CATSPERT: variants seen among roughly 807,000 people sequenced by gnomAD.
CATSPERT encodes catsper channel auxiliary subunit tau.
chr2:201,531,919 G>A, the CATSPERT span, among the ~76,000 whole-genome samples: 1 of 152,190 alleles, frequency 6.6e-6, no homozygotes, highest in African/African-American at 2.4e-5. Context: ...TCAGAGGAGT[G>A]ACATGATTTA....
the CATSPERT span, among the ~76,000 whole-genome samples, chr2:201,613,331 T>C: frequency 0.98 from 148,521 of 152,218 alleles, 72,550 homozygotes; most frequent in East Asian, 1. Flanking sequence ...CTCATACAAC[T>C]GGGTGCCCCT....
chr2:201,610,959 G>C, the CATSPERT span, among the ~76,000 whole-genome samples: 2 of 152,036 alleles, frequency 1.3e-5, no homozygotes, highest in Non-Finnish European at 2.9e-5. Flanking sequence ...AACTGGCATA[G>C]AAGGAATGTA....
At chr2:201,535,582 G>A in the CATSPERT span, 15 of 1,032,914 alleles carry the variant, frequency 1.5e-5, 1 homozygote, top group South Asian at 2.7e-4. Context: ...TGTTATTGTC[G>A]TTACACTTTC....
At chr2:201,584,420 C>T in the CATSPERT span, among the ~76,000 whole-genome samples, 4 of 151,966 alleles carry the variant, frequency 2.6e-5, no homozygotes, top group African/African-American at 7.3e-5. Context: ...GAATACCTAA[C>T]GTAAGTTAAC....
At chr2:201,507,838 C>G in the CATSPERT span, among the ~76,000 whole-genome samples, 1 of 152,074 alleles carries the variant, frequency 6.6e-6, no homozygotes, top group African/African-American at 2.4e-5. Flanking sequence ...GAAGGGGAAG[C>G]AAGGCCTTCT....
At chr2:201,543,736 C>G in the CATSPERT span, among the ~76,000 whole-genome samples, 1 of 151,998 alleles carries the variant, frequency 6.6e-6, no homozygotes, top group East Asian at 1.9e-4. Context: ...TGTATTGGTT[C>G]TAACAGGTCT....
At chr2:201,608,270 C>G in the CATSPERT span, among the ~76,000 whole-genome samples, 1 of 152,080 alleles carries the variant, frequency 6.6e-6, no homozygotes, top group East Asian at 1.9e-4. Context: ...ACCTTGGCCT[C>G]TCAAAGTACT....
the CATSPERT span, among the ~76,000 whole-genome samples, chr2:201,504,094 C>T: frequency 1.8e-3 from 267 of 152,298 alleles, 6 homozygotes; most frequent in East Asian, 0.044. Context: ...CAGTATTCAG[C>T]CAAAGACTCC....
the CATSPERT span, among the ~76,000 whole-genome samples, chr2:201,501,417 A>G: frequency 6.6e-6 from 1 of 150,400 alleles, no homozygotes; most frequent in South Asian, 2.1e-4. Flanking sequence ...AAAAAAAAAA[A>G]AAGAAAGATC....
chr2:201,597,624 G>A, the CATSPERT span, among the ~76,000 whole-genome samples: 2 of 152,076 alleles, frequency 1.3e-5, no homozygotes, highest in Non-Finnish European at 2.9e-5. Context: ...TGTAAATGTG[G>A]AGCTCACCGC....
chr2:201,538,957 G>C, the CATSPERT span, among the ~76,000 whole-genome samples: 1 of 152,050 alleles, frequency 6.6e-6, no homozygotes, highest in South Asian at 2.1e-4. Context: ...TAAGGATAAT[G>C]GTCTCCAGCT....
At chr2:201,587,643 T>C in the CATSPERT span, among the ~76,000 whole-genome samples, 3 of 152,290 alleles carry the variant, frequency 2.0e-5, no homozygotes, top group Non-Finnish European at 4.4e-5. Flanking sequence ...GCAGTTTGAA[T>C]GGGACGTACA....
chr2:201,534,099 T>C, the CATSPERT span, among the ~76,000 whole-genome samples: 2 of 151,828 alleles, frequency 1.3e-5, no homozygotes. Context: ...AAATCTGAGA[T>C]ATATATATAT....
At chr2:201,553,654 CCAAT>C in the CATSPERT span, 11 of 152,126 alleles carry the variant, frequency 7.2e-5, no homozygotes, top group African/African-American at 2.7e-4. Flanking sequence ...CAACTGACTT[CCAAT>C]CAGTTAGCTT....
At chr2:201,538,862 T>TA in the CATSPERT span, among the ~76,000 whole-genome samples, 1 of 152,072 alleles carries the variant, frequency 6.6e-6, no homozygotes. Context: ...TGTTCCCCTC[T>TA]ATGTGTCCAT....
chr2:201,506,358 G>A, the CATSPERT span, among the ~76,000 whole-genome samples: 4 of 152,180 alleles, frequency 2.6e-5, no homozygotes, highest in Non-Finnish European at 5.9e-5. Flanking sequence ...ATTATGAATA[G>A]ATGTACAAAA....
the CATSPERT span, chr2:201,549,556 C>T: frequency 1.1e-4 from 16 of 152,084 alleles, no homozygotes; most frequent in Non-Finnish European, 1.8e-4. Flanking sequence ...ATGACTTTTT[C>T]AACAAGCAAG....
At chr2:201,505,899 T>G in the CATSPERT span, among the ~76,000 whole-genome samples, 1 of 152,202 alleles carries the variant, frequency 6.6e-6, no homozygotes, top group African/African-American at 2.4e-5. Flanking sequence ...CTCTAATATC[T>G]TTACAAGTGT....
At chr2:201,556,302 G>A in the CATSPERT span, among the ~76,000 whole-genome samples, 2 of 152,132 alleles carry the variant, frequency 1.3e-5, no homozygotes, top group Non-Finnish European at 2.9e-5. Context: ...GAGGTCAGGA[G>A]ATCGAGACCA....
Sources: gnomAD v4.1 joint callset for allele counts (sites outside exome capture counted in the v4.1 genomes callset) on GRCh38, gnomAD v4.1.1 for gene constraint, MANE v1.5 for transcripts, NCBI Gene and HGNC (gene_info 2026-07-23, HGNC 2026-07-21) for gene names.